LAMA1: variants seen among roughly 807,000 people sequenced by gnomAD.
LAMA1 encodes the protein laminin subunit alpha 1, also known as laminin subunit alpha-1.
Under a neutral mutation model 348.7 loss-of-function variants are expected in LAMA1, and 219 were observed. The ratio of observed to expected loss-of-function variants is 0.63; its 90% CI spans 0.56 to 0.70. The LOEUF (loss-of-function observed/expected upper bound fraction) is 0.70. Ranked by LOEUF, LAMA1 falls within the 30% of genes least tolerant of loss-of-function variation. The probability of loss-of-function intolerance (pLI) is 0.00; values close to 1 mark genes in which losing one functional copy is unlikely to be tolerated. For missense variants in LAMA1, 3,744 were observed against 3,888.0 expected (o/e 0.96, Z 0.99); for synonymous variants, 1,487 against 1,491.0 (o/e 1.00, Z 0.06).
At chr18:7,014,113 T>C (rs1278868843) in intron 22 of LAMA1, 62 bp from the exon 23 acceptor site, 2 of 1,254,250 alleles carry the variant, frequency 1.6e-6, no homozygotes, top group South Asian at 1.2e-5. Flanking sequence ...AATGCACACA[T>C]ATTTGAATTA....
At chr18:6,949,067 A>G (rs370302561) in intron 59 of LAMA1, 34 bp downstream of exon 59, 27 of 1,613,698 alleles carry the variant, frequency 1.7e-5, no homozygotes, top group Non-Finnish European at 2.2e-5. Context: ...GAACACAACG[A>G]AGGTAAAATG....
chr18:7,106,982 C>T (rs1052241448), intron 1 of LAMA1, among the ~76,000 whole-genome samples: 2 of 152,096 alleles, frequency 1.3e-5, no homozygotes, highest in Admixed American at 6.6e-5. Context: ...CCTCCTCCCC[C>T]GCTTTCCTCG....
intron 19 of LAMA1, among the ~76,000 whole-genome samples, chr18:7,018,887 C>A (rs1156335897): frequency 6.6e-6 from 1 of 152,078 alleles, no homozygotes; most frequent in Non-Finnish European, 1.5e-5. Context: ...TGCTGGGATC[C>A]GCCTCCTTCA....
At chr18:7,031,703 T>A (rs1334786200) in intron 16 of LAMA1, among the ~76,000 whole-genome samples, 3 of 70,584 alleles carry the variant, frequency 4.3e-5, no homozygotes, top group African/African-American at 2.7e-4. Context: ...AAATAAATAT[T>A]AGCACTGTCA....
At chr18:6,947,715 T>C (rs569223560) in intron 60 of LAMA1, among the ~76,000 whole-genome samples, 33 of 152,304 alleles carry the variant, frequency 2.2e-4, no homozygotes, top group African/African-American at 7.7e-4. Context: ...ATTTACTGAG[T>C]GTATCAGAGT....
intron 1 of LAMA1, among the ~76,000 whole-genome samples, chr18:7,112,288 T>C (rs1279885453): frequency 1.3e-5 from 2 of 152,186 alleles, no homozygotes; most frequent in Non-Finnish European, 2.9e-5. Flanking sequence ...AAATGATGTG[T>C]TAATATCCAG....
intron 3 of LAMA1, among the ~76,000 whole-genome samples, chr18:7,062,263 GAT>G (rs2058105247): frequency 7.5e-6 from 1 of 132,810 alleles, no homozygotes; most frequent in Non-Finnish European, 1.7e-5. Context: ...GGAGAAGGCA[GAT>G]AGTCAGGGAA....
intron 55 of LAMA1, chr18:6,957,009 C>A: frequency 2.0e-6 from 1 of 488,714 alleles, no homozygotes; most frequent in African/African-American, 2.0e-5. Flanking sequence ...CAGACCCTGG[C>A]CATTCCTGAG....
chr18:7,040,152 G>T lies in LAMA1; in HGVS notation c.1346C>A (p.Pro449Gln), dbSNP rs780915302. Residue 449 changes from proline to glutamine, a missense_variant, in exon 10 of 63, where the codon CCG (proline) becomes CAG (glutamine). This residue lies in a region of LAMA1 where 1,529 missense variants were observed against 1,689.4 expected (regional missense o/e 0.91). Coordinates refer to ENST00000389658, the MANE Select transcript of LAMA1 (RefSeq NM_005559.4). ...GTTGCACCCACAGGAGACACAGGTC[G>T]GGTAATCCTTATAGCCAAGTTGGCA... Reference protein sequence around the residue: ...DRCQLGYKDYPTCVSCGCNPV... With the variant: ...DRCQLGYKDYQTCVSCGCNPV... 3.7e-6 allele frequency: 6 copies of T among 1,613,926 alleles called. No individual in the cohort carries two copies. Among genetic ancestry groups the T allele is most frequent in the Non-Finnish European group, 5.1e-6 (6 of 1,179,996 alleles).
At chr18:6,966,105 G>T (rs1193975792) in intron 49 of LAMA1, 42 bp downstream of exon 49, 1 of 1,606,530 alleles carries the variant, frequency 6.2e-7, no homozygotes, top group African/African-American at 1.3e-5. Flanking sequence ...CAATCTAAAT[G>T]TGTGTATACA....
chr18:7,005,111 G>A (rs2057826221), intron 29 of LAMA1, among the ~76,000 whole-genome samples: 1 of 152,178 alleles, frequency 6.6e-6, no homozygotes, highest in African/African-American at 2.4e-5. Flanking sequence ...ACGGACCCAC[G>A]ACCACTCCAT....
At chr18:6,947,440 C>A in intron 60 of LAMA1, 144 bp from the exon 61 acceptor site, 2 of 910,916 alleles carry the variant, frequency 2.2e-6, no homozygotes, top group Non-Finnish European at 3.5e-6. Flanking sequence ...GTCACTCCTG[C>A]CCTCTGAGCC....
At chr18:6,974,244 T>A (rs893326399) in intron 46 of LAMA1, among the ~76,000 whole-genome samples, 90 of 152,094 alleles carry the variant, frequency 5.9e-4, no homozygotes, top group African/African-American at 2.0e-3. Context: ...TTTTTTGAAT[T>A]AATTTTTATT....
chr18:7,007,285 G>A lies in LAMA1; in HGVS notation c.4123-9C>T, dbSNP rs1436163899. On this transcript the variant is annotated splice_polypyrimidine_tract_variant and intron_variant, in intron 28 of 62. Transcript: ENST00000389658. ...TACCCAGGGGCGCAGTCCTGAGGGG[G>A]TGCAAAAGGGAGGACAAAAAAGTCT... The A allele has an allele frequency of 2.5e-6, 4 of 1,612,068 alleles. No individual in the cohort carries two copies. Among genetic ancestry groups the A allele is most frequent in the East Asian group, 2.2e-5 (1 of 44,816 alleles).
At chr18:7,112,595 A>AAT (rs560129265) in intron 1 of LAMA1, among the ~76,000 whole-genome samples, 5,148 of 144,128 alleles carry the variant, frequency 0.036, 259 homozygotes, top group African/African-American at 0.14. Flanking sequence ...TATCTATTAA[A>AAT]ATATATATAT....
intron 22 of LAMA1, among the ~76,000 whole-genome samples, 200 bp downstream of exon 22, chr18:7,015,522 C>T (rs2057883058): frequency 6.6e-6 from 1 of 151,446 alleles, no homozygotes; most frequent in Non-Finnish European, 1.5e-5. Context: ...TCAAACGATC[C>T]TCCTGCCTCA....
At position 7,087,510 on chromosome 18, in the gene LAMA1, G is replaced by C. The variant is rs971439655; in HGVS notation, c.62-7053C>G. 1.3e-5 allele frequency among the ~76,000 whole-genome samples: 2 copies of C among 152,202 alleles called. 1 individual carries two copies. The highest frequency in any genetic ancestry group is 3.8e-4 in the East Asian group (2 of 5,202). On this transcript the variant is annotated intron_variant, in intron 1 of 62. Coordinates refer to ENST00000389658, the MANE Select transcript of LAMA1 (RefSeq NM_005559.4). ...TTCCTTCCCCTGGCCCACTCCTCAG[G>C]ATGTGAGTAAACCTACATCATGCGG...
At chr18:6,983,562 C>T (rs2057721646) in intron 39 of LAMA1, among the ~76,000 whole-genome samples, 2 of 152,200 alleles carry the variant, frequency 1.3e-5, no homozygotes, top group South Asian at 2.1e-4. Context: ...CAATCCCCTG[C>T]GCGTGTCTAG....
Position 7,017,344 on chromosome 18 carries a change from G to A in LAMA1, c.2742C>T (p.Cys914=). The change falls in exon 20 of 63, where the codon TGC becomes TGT. Residue 914 remains cysteine (C), a synonymous_variant. Coordinates refer to ENST00000389658, the MANE Select transcript of LAMA1 (RefSeq NM_005559.4). ...AGTCACAGAGCCCGGTCTCAAGATGGCACACGGCAGAATGGGAGCCTTTCA... is the reference window on the plus strand; with the variant it reads ...AGTCACAGAGCCCGGTCTCAAGATGACACACGGCAGAATGGGAGCCTTTCA... ...CHVKGSHSAV[C]HLETGLCDCK... 1 of 1,613,952 alleles carries A rather than the reference G, an allele frequency of 6.2e-7. No individual in the cohort carries two copies.
Sources: gnomAD v4.1 joint callset for allele counts (sites outside exome capture counted in the v4.1 genomes callset) on GRCh38, gnomAD v4.1.1 for gene constraint, gnomAD v4.1.1 regional missense constraint, MANE v1.5 for transcripts, NCBI Gene and HGNC (gene_info 2026-07-23, HGNC 2026-07-21) for gene names.